Variants in NRXN3 observed in about 807,000 individuals in gnomAD.
NRXN3 encodes the protein neurexin 3.
Under a neutral mutation model 137.6 loss-of-function variants are expected in NRXN3, and 32 were observed. The ratio of observed to expected loss-of-function variants is 0.23; its 90% CI spans 0.18 to 0.31. The LOEUF (loss-of-function observed/expected upper bound fraction) is 0.31. Among genes scored for constraint, NRXN3 ranks in the 10% least tolerant of loss-of-function variants. The pLI, the probability that NRXN3 is intolerant of heterozygous loss-of-function variation, is 1.00. For synonymous variants in NRXN3, 798 were observed against 784.5 expected (o/e 1.02, Z -0.29); for missense variants, 1,574 against 2,062.5 (o/e 0.76, Z 4.59).
chr14:79,008,959 A>G (rs888732129), intron 15 of NRXN3, among the ~76,000 whole-genome samples: 2 of 151,976 alleles, frequency 1.3e-5, no homozygotes, highest in African/African-American at 4.8e-5. Flanking sequence ...GCCTGGCCTG[A>G]ATTTTTTTTC....
intron 10 of NRXN3, among the ~76,000 whole-genome samples, chr14:78,949,969 T>C (rs1469036535): frequency 6.6e-6 from 1 of 152,194 alleles, no homozygotes; most frequent in Non-Finnish European, 1.5e-5. Context: ...CGTTAGAATC[T>C]CTTTAGCTCA....
intron 4 of NRXN3, among the ~76,000 whole-genome samples, chr14:78,323,869 T>C (rs1402130923): frequency 6.6e-6 from 1 of 151,574 alleles, no homozygotes; most frequent in Non-Finnish European, 1.5e-5. Flanking sequence ...GCAGGAGAGG[T>C]GGGTTGTGGT....
At chr14:78,490,917 A>G (rs1033206325) in intron 4 of NRXN3, among the ~76,000 whole-genome samples, 2 of 151,944 alleles carry the variant, frequency 1.3e-5, no homozygotes, top group Admixed American at 6.6e-5. Flanking sequence ...ATATTTGATG[A>G]CCGGTATTTT....
chr14:78,968,078 C>G, intron 13 of NRXN3, 95 bp from the exon 14 acceptor site: 2 of 158,124 alleles, frequency 1.3e-5, no homozygotes, highest in Non-Finnish European at 2.4e-5. Context: ...CTATCTTATT[C>G]CTTATCTGAT....
intron 15 of NRXN3, among the ~76,000 whole-genome samples, chr14:79,206,030 A>AG (rs1331607917): frequency 6.6e-6 from 1 of 152,162 alleles, no homozygotes; most frequent in East Asian, 1.9e-4. Flanking sequence ...ACATGCATGG[A>AG]GGAACACACC....
At chr14:78,791,267 A>G (rs1595889100) in intron 8 of NRXN3, among the ~76,000 whole-genome samples, 1 of 152,318 alleles carries the variant, frequency 6.6e-6, no homozygotes, top group East Asian at 1.9e-4. Flanking sequence ...AAGTGGGAAA[A>G]TGGTAGAAAG....
In NRXN3 at chr14:79,138,426, A is replaced by C. The variant is rs1297297882; in HGVS notation, c.3262+150285A>C. On this transcript the variant is annotated intron_variant, in intron 15 of 20. Transcript: ENST00000335750. ...CACCTTGGCTTCCCAAAGTGCTAGGATGAGAGGTGTTATTGCATATTTTTA... is the reference window on the plus strand; with the variant it reads ...CACCTTGGCTTCCCAAAGTGCTAGGCTGAGAGGTGTTATTGCATATTTTTA... Among the ~76,000 whole-genome samples, 5 of 152,244 alleles carry C rather than the reference A, an allele frequency of 3.3e-5. No homozygotes were observed. In the East Asian group the frequency reaches 9.6e-4, roughly 29 times the overall value.
intron 16 of NRXN3, among the ~76,000 whole-genome samples, chr14:79,607,512 G>T (rs1230580329): frequency 1.3e-5 from 2 of 152,160 alleles, no homozygotes; most frequent in Non-Finnish European, 2.9e-5. Flanking sequence ...TTCAGTATTT[G>T]CTTGTAACTT....
intron 15 of NRXN3, among the ~76,000 whole-genome samples, chr14:79,052,577 T>C (rs2099643535): frequency 6.6e-6 from 1 of 152,212 alleles, no homozygotes; most frequent in South Asian, 2.1e-4. Flanking sequence ...TTAGAGATGA[T>C]CTTTGTTTCT....
At chr14:79,358,559 CA>C (rs1217868111) in intron 15 of NRXN3, among the ~76,000 whole-genome samples, 2,352 of 61,784 alleles carry the variant, frequency 0.038, 67 homozygotes, top group African/African-American at 0.12. Context: ...GACTCTGTCT[CA>C]AAAAAAAAAA....
chr14:78,180,958 C>T (rs2059754076), intron 1 of NRXN3, among the ~76,000 whole-genome samples: 1 of 152,210 alleles, frequency 6.6e-6, no homozygotes, highest in African/African-American at 2.4e-5. Context: ...CTCACACCAA[C>T]TAAATTAGAC....
chr14:79,432,931 G>A (rs185797324), intron 15 of NRXN3, among the ~76,000 whole-genome samples: 71 of 152,306 alleles, frequency 4.7e-4, no homozygotes, highest in Non-Finnish European at 7.9e-4. Flanking sequence ...TGAGGGGACT[G>A]TCAGAAGATG....
intron 4 of NRXN3, among the ~76,000 whole-genome samples, chr14:78,376,589 G>A (rs1203039606): frequency 6.6e-6 from 1 of 152,164 alleles, no homozygotes; most frequent in African/African-American, 2.4e-5. Flanking sequence ...ATACATGGTA[G>A]TAAGTTTCTT....
At chr14:78,333,350 G>GT (rs2081060838) in intron 4 of NRXN3, among the ~76,000 whole-genome samples, 1 of 152,186 alleles carries the variant, frequency 6.6e-6, no homozygotes, top group Admixed American at 6.5e-5. Context: ...GATTTAGTGC[G>GT]TGCCTACTGT....
At chr14:79,245,182 C>T (rs1003123287) in intron 15 of NRXN3, among the ~76,000 whole-genome samples, 3 of 150,578 alleles carry the variant, frequency 2.0e-5, no homozygotes, top group African/African-American at 5.0e-5. Context: ...AGCTACTTGA[C>T]CTAAGCATCT....
intron 4 of NRXN3, among the ~76,000 whole-genome samples, chr14:78,309,485 C>T (rs568585889): frequency 2.3e-4 from 35 of 151,742 alleles, no homozygotes; most frequent in African/African-American, 7.2e-4. Context: ...TCCCTGGTGT[C>T]TTGTTCCTGT....
rs558370575 is a variant in NRXN3 at position 79,768,117 on chromosome 14, G to A, written c.4015-36995G>A. Among the ~76,000 whole-genome samples, 424 of 152,312 alleles carry A rather than the reference G, an allele frequency of 2.8e-3. 1 individual carries two copies. Among genetic ancestry groups the A allele is most frequent in the African/African-American group, 1.0e-2 (414 of 41,574 alleles). ...TTATATCCCTCACCTGGCTCGGAGG[G>A]TCCTACGCCCACGGAGTCTCCCTGA... On this transcript the variant is annotated intron_variant, in intron 19 of 20. Coordinates refer to ENST00000335750, the MANE Select transcript of NRXN3 (RefSeq NM_001330195.2).
chr14:78,526,558 C>G (rs530340076), intron 4 of NRXN3, among the ~76,000 whole-genome samples: 9 of 152,226 alleles, frequency 5.9e-5, no homozygotes, highest in Non-Finnish European at 1.5e-5. Context: ...TACTTTCTTT[C>G]ATTCAAATGG....
rs185618229 is a variant in NRXN3, at chr14:79,307,245, A to G, written c.3263-159976A>G. On this transcript the variant is annotated intron_variant, in intron 15 of 20. Coordinates refer to ENST00000335750, the MANE Select transcript of NRXN3 (RefSeq NM_001330195.2). ...TTAAATAAGTTACTCTAGGTCCCAT[A>G]TCAATAAATTGACAGAGCTGGAATT... 5.3e-5 allele frequency among the ~76,000 whole-genome samples: 8 copies of G among 152,230 alleles called. No individual in the cohort carries two copies. In the East Asian group the frequency reaches 1.5e-3, roughly 29 times the overall value.
Sources: allele counts gnomAD v4.1 joint callset (sites outside exome capture counted in the v4.1 genomes callset), GRCh38; gene constraint gnomAD v4.1.1; transcripts MANE v1.5; gene names NCBI Gene and HGNC (gene_info 2026-07-23, HGNC 2026-07-21).